The following LSAMP variants were observed in gnomAD, a reference collection of about 807,000 sequenced individuals.
The protein encoded by LSAMP is limbic system associated membrane protein, also known as limbic system-associated membrane protein.
LSAMP carries 7 observed loss-of-function variants against 38.6 expected under a neutral mutation model. The observed-to-expected ratio is 0.18, with a 90% CI of 0.10 to 0.34. The LOEUF is 0.34. LSAMP is among the 10% of genes least tolerant of loss of function. LSAMP has a pLI of 1.00. For missense variants in LSAMP, 313 were observed against 420.0 expected (o/e 0.75, Z 2.23); for synonymous variants, 154 against 166.8 (o/e 0.92, Z 0.59).
At chr3:115,970,150 A>G (rs1372888815) in intron 3 of LSAMP, among the ~76,000 whole-genome samples, 1 of 152,184 alleles carries the variant, frequency 6.6e-6, no homozygotes, top group Non-Finnish European at 1.5e-5. Context: ...GAGAAAAAGA[A>G]TCGGGAGAAT....
intron 1 of LSAMP, among the ~76,000 whole-genome samples, chr3:116,175,949 G>A (rs949116439): frequency 2.0e-5 from 3 of 152,072 alleles, no homozygotes; most frequent in African/African-American, 2.4e-5. Flanking sequence ...TTATAAAATT[G>A]CATCCTTGTG....
intron 1 of LSAMP, among the ~76,000 whole-genome samples, chr3:116,210,634 C>T (rs970915949): frequency 1.3e-5 from 2 of 152,148 alleles, no homozygotes; most frequent in Non-Finnish European, 2.9e-5. Flanking sequence ...TGGGACTTCA[C>T]TTTGTGATTG....
At chr3:116,054,670 G>T (rs1941456814) in intron 2 of LSAMP, among the ~76,000 whole-genome samples, 1 of 152,092 alleles carries the variant, frequency 6.6e-6, no homozygotes, top group African/African-American at 2.4e-5. Flanking sequence ...ATATACAAAT[G>T]ATTACATGCA....
At chr3:115,997,883 AT>A (rs530710884) in intron 3 of LSAMP, among the ~76,000 whole-genome samples, 2,871 of 146,396 alleles carry the variant, frequency 0.02, 83 homozygotes, top group African/African-American at 0.066. Context: ...AATATACATT[AT>A]TATATATTCT....
At chr3:116,116,751 T>C (rs1708760446) in intron 1 of LSAMP, among the ~76,000 whole-genome samples, 1 of 151,444 alleles carries the variant, frequency 6.6e-6, no homozygotes, top group Admixed American at 6.6e-5. Flanking sequence ...AATAATAAAA[T>C]GAGGAATAAA....
chr3:116,078,418 G>C (rs932011996), intron 2 of LSAMP, among the ~76,000 whole-genome samples: 1 of 151,860 alleles, frequency 6.6e-6, no homozygotes, highest in East Asian at 1.9e-4. Flanking sequence ...TCCGCCTCCC[G>C]GGTTCACTCC....
chr3:116,066,138 T>C (rs1007627393), intron 2 of LSAMP, among the ~76,000 whole-genome samples: 2 of 152,156 alleles, frequency 1.3e-5, no homozygotes, highest in Non-Finnish European at 2.9e-5. Flanking sequence ...GAGGACCCAC[T>C]TCCTGGTTCA....
intron 1 of LSAMP, among the ~76,000 whole-genome samples, chr3:116,417,871 T>C (rs1253854905): frequency 6.6e-6 from 1 of 152,172 alleles, no homozygotes; most frequent in African/African-American, 2.4e-5. Flanking sequence ...CTAGGTCCTG[T>C]AGGTCTTATG....
chr3:115,814,090 T>C (rs1441501798), intron 6 of LSAMP: 2 of 152,198 alleles, frequency 1.3e-5, no homozygotes, highest in African/African-American at 4.8e-5. Flanking sequence ...CTGGTAAACA[T>C]TCAGTAAATT....
Position 115,841,860 on chromosome 3 carries a change from T to A in LSAMP, c.904A>T (p.Ser302Cys), listed in dbSNP as rs751510972. Residue 302 changes from serine (S) to cysteine (C), a missense_variant, in exon 6 of 7, where the codon AGC becomes TGC. By Grantham distance (112) the Ser-to-Cys change is moderately radical (BLOSUM62 -1). Transcript: ENST00000490035. ...AANKLGVTNA[S>C]LVLFRPGSVR... The stretch of plus-strand genomic sequence containing the variant: ...GCATACTTACTGAAAAGGACTAGGC[T>A]GGCATTGGTGACCCCCAGCTTGTTG... 6.2e-7 allele frequency: 1 copy of A among 1,612,914 alleles called. No individual in the cohort carries two copies. Among genetic ancestry groups the A allele is most frequent in the Non-Finnish European group, 8.5e-7 (1 of 1,179,612 alleles).
intron 1 of LSAMP, among the ~76,000 whole-genome samples, chr3:116,381,533 T>C (rs534693926): frequency 7.2e-5 from 11 of 152,066 alleles, no homozygotes; most frequent in Non-Finnish European, 1.3e-4. Flanking sequence ...TATCTTAAAA[T>C]GACAAGAGAA....
intron 6 of LSAMP, among the ~76,000 whole-genome samples, chr3:115,839,414 T>C (rs78301157): frequency 2.0e-5 from 3 of 152,032 alleles, no homozygotes; most frequent in East Asian, 1.9e-4. Flanking sequence ...GTTGTAACAA[T>C]AGACCTCCCA....
chr3:116,402,438 A>G (rs1171782562), intron 1 of LSAMP, among the ~76,000 whole-genome samples: 2 of 152,164 alleles, frequency 1.3e-5, no homozygotes, highest in African/African-American at 2.4e-5. Flanking sequence ...GCATATCTCA[A>G]TATCTCAATC....
At chr3:116,253,613 G>T (rs61311323) in intron 1 of LSAMP, among the ~76,000 whole-genome samples, 16,817 of 152,168 alleles carry the variant, frequency 0.11, 1,296 homozygotes, top group South Asian at 0.31. Flanking sequence ...CTGGAGCTAG[G>T]CTACAAGAAG....
intron 6 of LSAMP, among the ~76,000 whole-genome samples, chr3:115,824,709 T>TAAAAAA (rs79375900): frequency 7.8e-6 from 1 of 128,620 alleles, no homozygotes; most frequent in Non-Finnish European, 1.7e-5. Flanking sequence ...GACTCCGTCT[T>TAAAAAA]AAAAAAAAAA....
At chr3:116,154,243 T>G (rs973185996) in intron 1 of LSAMP, among the ~76,000 whole-genome samples, 9 of 152,152 alleles carry the variant, frequency 5.9e-5, no homozygotes, top group African/African-American at 2.2e-4. Context: ...TGGCCTGTCT[T>G]GAGGAGCTGC....
chr3:115,994,514 T>G (rs1939762195), intron 3 of LSAMP, among the ~76,000 whole-genome samples: 1 of 152,084 alleles, frequency 6.6e-6, no homozygotes, highest in Non-Finnish European at 1.5e-5. Flanking sequence ...TTAATGTGTC[T>G]TAGTCTTTGT....
chr3:116,004,600 A>T (rs1940103682), intron 3 of LSAMP, among the ~76,000 whole-genome samples: 2 of 150,918 alleles, frequency 1.3e-5, no homozygotes, highest in South Asian at 2.1e-4. Context: ...ATGTCTATAT[A>T]TACATGTATA....
At chr3:116,383,060 G>T (rs977968003) in intron 1 of LSAMP, among the ~76,000 whole-genome samples, 8 of 152,084 alleles carry the variant, frequency 5.3e-5, no homozygotes. Context: ...AGATAAAAAG[G>T]GATCTGAGCC....
Sources: gnomAD v4.1 joint callset for allele counts (sites outside exome capture counted in the v4.1 genomes callset) on GRCh38, gnomAD v4.1.1 for gene constraint, MANE v1.5 for transcripts, NCBI Gene and HGNC (gene_info 2026-07-23, HGNC 2026-07-21) for gene names.